Variants in PCDHGA5 observed in about 807,000 individuals in gnomAD.
PCDHGA5 encodes protocadherin gamma-A5.
PCDHGA5 carries 36 observed loss-of-function variants against 56.7 expected under a neutral mutation model. The ratio of observed to expected loss-of-function variants is 0.64; its 90% confidence interval spans 0.49 to 0.84. PCDHGA5 has a LOEUF of 0.84. Among genes scored for constraint, PCDHGA5 ranks in the 40% least tolerant of loss-of-function variants. PCDHGA5 has a pLI of 0.00. For synonymous variants in PCDHGA5, 563 were observed against 520.2 expected (o/e 1.08, Z -1.12); for missense variants, 1,305 against 1,201.5 (o/e 1.09, Z -1.27).
intron 1 of PCDHGA5, chr5:141,475,890 G>C: frequency 1.8e-6 from 1 of 565,896 alleles, no homozygotes; most frequent in South Asian, 2.3e-5. Flanking sequence ...CTGGGACTCT[G>C]TGTGCCGCTG....
chr5:141,483,904 T>A (rs11750647), intron 1 of PCDHGA5, among the ~76,000 whole-genome samples: 24,531 of 151,676 alleles, frequency 0.16, 2,105 homozygotes, highest in African/African-American at 0.21. Context: ...CTCTGGTGTG[T>A]TTCCCACTCA....
intron 1 of PCDHGA5, chr5:141,426,347 T>C (rs977411941): frequency 5.2e-6 from 1 of 193,980 alleles, no homozygotes; most frequent in African/African-American, 2.3e-5. Context: ...TTCCCTTTCC[T>C]GCTGCCTTTG....
chr5:141,393,984 C>T (rs1176875822), intron 1 of PCDHGA5: 1 of 1,613,570 alleles, frequency 6.2e-7, no homozygotes, highest in Non-Finnish European at 8.5e-7. Flanking sequence ...TGATAATTTA[C>T]CTTTTAAATT....
intron 1 of PCDHGA5, chr5:141,397,868 A>T (rs1331188362): frequency 1.4e-5 from 8 of 573,128 alleles, no homozygotes; most frequent in Non-Finnish European, 2.1e-5. Context: ...CCTAGTGCTG[A>T]CTCTGGGCGC....
At chr5:141,424,748 A>G (rs1218712198) in intron 1 of PCDHGA5, 3 of 152,034 alleles carry the variant, frequency 2.0e-5, no homozygotes, top group African/African-American at 4.8e-5. Flanking sequence ...TTCTTTCTTT[A>G]TAAGGTCATT....
chr5:141,366,636 T>C lies in PCDHGA5; in HGVS notation c.2306T>C (p.Ile769Thr), dbSNP rs374724936. 12 of 1,614,240 alleles carry C rather than the reference T, an allele frequency of 7.4e-6. No homozygotes were observed. The highest frequency in any genetic ancestry group is 1.0e-5 in the Non-Finnish European group (12 of 1,180,038). Reference protein sequence around the residue: ...LTADSRKSHLIFPQPNYADTL... With the variant: ...LTADSRKSHLTFPQPNYADTL... ...GCGGACTCGAGGAAGAGTCACCTGATCTTTCCCCAGCCCAACTACGCAGAC... is the reference window on the plus strand; with the variant it reads ...GCGGACTCGAGGAAGAGTCACCTGACCTTTCCCCAGCCCAACTACGCAGAC... The change falls in exon 1 of 4, where the codon ATC becomes ACC. Residue 769 changes from isoleucine to threonine, a missense_variant. Coordinates refer to ENST00000518069, the MANE Select transcript of PCDHGA5 (RefSeq NM_018918.3).
At position 141,494,781 on chromosome 5, in the gene PCDHGA5, C is replaced by A. The variant is rs145360252; in HGVS notation, c.2422-26C>A. On this transcript the variant is annotated intron_variant, in intron 1 of 3. Coordinates refer to ENST00000518069, the MANE Select transcript of PCDHGA5 (RefSeq NM_018918.3). ...ATTCTAACTTCTCACGGGTACTCAG[C>A]CCCTTTCCCTCTGTTTTCTCCACAG... 6,156 of 1,614,074 alleles carry A rather than the reference C, an allele frequency of 3.8e-3. 13 individuals are homozygous for A. Among genetic ancestry groups the A allele is most frequent in the Middle Eastern group, 8.1e-3 (49 of 6,062 alleles).
intron 1 of PCDHGA5, among the ~76,000 whole-genome samples, chr5:141,484,685 T>G (rs2099599013): frequency 6.6e-6 from 1 of 151,934 alleles, no homozygotes; most frequent in Non-Finnish European, 1.5e-5. Flanking sequence ...TTGCTAGGGC[T>G]CAGGCTGTGG....
Position 141,477,763 on chromosome 5 carries a change from C to G in PCDHGA5, c.2422-17044C>G, listed in dbSNP as rs763322593. The G allele has an allele frequency of 6.2e-7, 1 of 1,614,012 alleles. No homozygotes were observed. Among genetic ancestry groups the G allele is most frequent in the Non-Finnish European group, 8.5e-7 (1 of 1,180,032 alleles). Reference sequence around the variant, plus strand: ...ATGGGGGCACCCCGGTCCTAGCCACCAACATCAGCGTGAACATATTTGTCA... The same window carrying G: ...ATGGGGGCACCCCGGTCCTAGCCACGAACATCAGCGTGAACATATTTGTCA... On this transcript the variant is annotated intron_variant, in intron 1 of 3. Transcript: ENST00000518069. This position sits in a 1 kb window ranked among gnomAD's most constrained non-coding sequence, Gnocchi z 4.9.
chr5:141,474,908 T>C (rs1016814167), intron 1 of PCDHGA5, among the ~76,000 whole-genome samples: 7 of 152,242 alleles, frequency 4.6e-5, no homozygotes, highest in African/African-American at 1.4e-4. Flanking sequence ...TGTTCAAGGA[T>C]ATACATCTCA....
intron 1 of PCDHGA5, chr5:141,422,941 G>C (rs777535652): frequency 1.2e-6 from 2 of 1,614,218 alleles, no homozygotes; most frequent in Non-Finnish European, 1.7e-6. Context: ...CCCCACAGAC[G>C]GCTCCACTGG....
At chr5:141,415,853 G>C (rs2154546169) in intron 1 of PCDHGA5, 1 of 1,186,350 alleles carries the variant, frequency 8.4e-7, no homozygotes, top group Admixed American at 4.0e-5. Context: ...GCAGAACCTT[G>C]TAGTTTATAG....
In PCDHGA5 at chr5:141,485,569, T is replaced by C; in HGVS notation, c.2422-9238T>C. The C allele has an allele frequency of 6.2e-7, 1 of 1,612,664 alleles. No individual in the cohort carries two copies. Among genetic ancestry groups the C allele is most frequent in the Non-Finnish European group, 8.5e-7 (1 of 1,178,890 alleles). ...TAGATGTGAATGATCACGCCCCCCG[T>C]TTTCCGCGGCAGCAGCTGGACTTGG... On this transcript the variant is annotated intron_variant, in intron 1 of 3. Coordinates refer to ENST00000518069, the MANE Select transcript of PCDHGA5 (RefSeq NM_018918.3). This position sits in a 1 kb window ranked among gnomAD's most constrained non-coding sequence, Gnocchi z 5.7.
rs755409676 is a variant in PCDHGA5 at position 141,383,729 on chromosome 5, T to C, written c.2421+16978T>C. 7 of 1,613,984 alleles carry C rather than the reference T, an allele frequency of 4.3e-6. No homozygotes were observed. In the South Asian group the frequency reaches 6.6e-5, roughly 15 times the overall value. ...CTGGACGAGGGAGTCAATGGGGAAG[T>C]GACATATTCTTTTCGGAAAATAACT... On this transcript the variant is annotated intron_variant, in intron 1 of 3. Transcript: ENST00000518069.
chr5:141,467,788 A>G (rs2099151778), intron 1 of PCDHGA5, among the ~76,000 whole-genome samples: 1 of 152,020 alleles, frequency 6.6e-6, no homozygotes. Flanking sequence ...CCTCTCAAGT[A>G]GCTGGGACTA....
At position 141,431,387 on chromosome 5, in the gene PCDHGA5, C is replaced by T; in HGVS notation, c.2422-63420C>T. The T allele has an allele frequency of 1.9e-6, 3 of 1,613,938 alleles. 1 individual carries two copies. The South Asian group carries it at 3.3e-5, about 18-fold the overall frequency. Reference sequence around the variant, plus strand: ...CCGCGAAGAAAAGGCTGCTCACCACCTGGTCCTTACGGCCTCCGACGGGGG... The same window carrying T: ...CCGCGAAGAAAAGGCTGCTCACCACTTGGTCCTTACGGCCTCCGACGGGGG... On this transcript the variant is annotated intron_variant, in intron 1 of 3. Coordinates refer to ENST00000518069, the MANE Select transcript of PCDHGA5 (RefSeq NM_018918.3). This position sits in a 1 kb window ranked among gnomAD's most constrained non-coding sequence, Gnocchi z 4.8.
At chr5:141,393,624 G>A (rs1190793808) in intron 1 of PCDHGA5, 1 of 1,613,972 alleles carries the variant, frequency 6.2e-7, no homozygotes, top group Non-Finnish European at 8.5e-7. Flanking sequence ...CGACCCGGAT[G>A]AGGGAATCAA....
intron 1 of PCDHGA5, chr5:141,419,113 C>A: frequency 6.2e-7 from 1 of 1,613,872 alleles, no homozygotes; most frequent in Non-Finnish European, 8.5e-7. Flanking sequence ...CCCCAGAGTA[C>A]AACGTCACCA....
chr5:141,503,372 G>A (rs1275544964), intron 2 of PCDHGA5, among the ~76,000 whole-genome samples: 1 of 151,968 alleles, frequency 6.6e-6, no homozygotes, highest in Non-Finnish European at 1.5e-5. Context: ...GGAGGCAGGT[G>A]GATCATGAGG....
Sources: allele counts gnomAD v4.1 joint callset (sites outside exome capture counted in the v4.1 genomes callset), GRCh38; gene constraint gnomAD v4.1.1; non-coding constraint Gnocchi (gnomAD v3.1); transcripts MANE v1.5; gene names NCBI Gene and HGNC (gene_info 2026-07-23, HGNC 2026-07-21).